Variants in POFUT3 observed in about 807,000 individuals in gnomAD.
POFUT3 encodes the protein protein O-fucosyltransferase 3, also known as GDP-fucose protein O-fucosyltransferase 3.
At chr8:33,463,479 T>C in the POFUT3 span, among the ~76,000 whole-genome samples, 8 of 150,842 alleles carry the variant, frequency 5.3e-5, no homozygotes, top group African/African-American at 2.0e-4. Context: ...CACTCCAGCC[T>C]GGGCGACAAA....
chr8:33,402,409 T>C, the POFUT3 span, among the ~76,000 whole-genome samples: 1 of 152,212 alleles, frequency 6.6e-6, no homozygotes, highest in Non-Finnish European at 1.5e-5. Context: ...AAATAAACTC[T>C]TTATTCTCAA....
At chr8:33,457,454 C>G in the POFUT3 span, among the ~76,000 whole-genome samples, 1 of 152,040 alleles carries the variant, frequency 6.6e-6, no homozygotes, top group Non-Finnish European at 1.5e-5. Context: ...CAAGAACATG[C>G]CACTGCACTC....
the POFUT3 span, among the ~76,000 whole-genome samples, chr8:33,346,040 G>C: frequency 1.3e-5 from 2 of 151,532 alleles, no homozygotes; most frequent in Non-Finnish European, 2.9e-5. Context: ...GGTCAGGCTG[G>C]TCTTGAACGC....
the POFUT3 span, among the ~76,000 whole-genome samples, chr8:33,355,830 C>T: frequency 3.2e-4 from 48 of 152,190 alleles, no homozygotes; most frequent in Middle Eastern, 3.4e-3. Flanking sequence ...CCTCCCCCAA[C>T]GCCACAACAG....
chr8:33,424,871 A>G, the POFUT3 span, among the ~76,000 whole-genome samples: 1 of 152,342 alleles, frequency 6.6e-6, no homozygotes, highest in East Asian at 1.9e-4. Flanking sequence ...AGGAACGCAC[A>G]GCACTTACTG....
chr8:33,353,456 T>C, the POFUT3 span, among the ~76,000 whole-genome samples: 1 of 152,208 alleles, frequency 6.6e-6, no homozygotes, highest in Non-Finnish European at 1.5e-5. Flanking sequence ...CTGAGATCAC[T>C]GCAGAAACCC....
At chr8:33,362,347 A>G in the POFUT3 span, among the ~76,000 whole-genome samples, 6 of 152,358 alleles carry the variant, frequency 3.9e-5, no homozygotes, top group African/African-American at 1.4e-4. Context: ...AATGCTATGA[A>G]GAAACTGTAT....
the POFUT3 span, among the ~76,000 whole-genome samples, chr8:33,420,485 T>C: frequency 0.5 from 75,900 of 151,620 alleles, 19,414 homozygotes; most frequent in Non-Finnish European, 0.56. Flanking sequence ...TAAATGGGCA[T>C]TCTTTATATC....
At chr8:33,426,619 G>T in the POFUT3 span, among the ~76,000 whole-genome samples, 1 of 152,106 alleles carries the variant, frequency 6.6e-6, no homozygotes, top group Non-Finnish European at 1.5e-5. Context: ...GATTCAATCC[G>T]ATCTAAGGCA....
chr8:33,395,976 A>G, the POFUT3 span, among the ~76,000 whole-genome samples: 6,576 of 152,242 alleles, frequency 0.043, 462 homozygotes, highest in African/African-American at 0.15. Flanking sequence ...GAGAGAAGGA[A>G]ACTCTTCCAA....
the POFUT3 span, among the ~76,000 whole-genome samples, chr8:33,343,221 C>T: frequency 3.3e-5 from 5 of 152,248 alleles, no homozygotes; most frequent in South Asian, 8.3e-4. Context: ...TGTGTACAGA[C>T]AGACACAGGA....
chr8:33,328,512 C>G, the POFUT3 span, among the ~76,000 whole-genome samples: 1 of 152,166 alleles, frequency 6.6e-6, no homozygotes, highest in East Asian at 1.9e-4. Flanking sequence ...CCACGGGGCA[C>G]TCTGGACAGT....
the POFUT3 span, among the ~76,000 whole-genome samples, chr8:33,395,766 C>T: frequency 6.6e-6 from 1 of 152,112 alleles, no homozygotes; most frequent in African/African-American, 2.4e-5. Context: ...CAGGCAACCC[C>T]TAGACACTGC....
At chr8:33,452,127 AT>A in the POFUT3 span, 2 of 152,050 alleles carry the variant, frequency 1.3e-5, no homozygotes, top group Non-Finnish European at 2.9e-5. Context: ...ATATATGTGT[AT>A]GTGTAGGCAT....
chr8:33,316,567 A>G, the POFUT3 span, among the ~76,000 whole-genome samples: 3 of 83,080 alleles, frequency 3.6e-5, no homozygotes, highest in African/African-American at 1.5e-4. Context: ...CTAAAACTAC[A>G]AAAAAAAAGA....
At chr8:33,309,168 ATATATATATAT>A in the POFUT3 span, among the ~76,000 whole-genome samples, 4 of 40,670 alleles carry the variant, frequency 9.8e-5, no homozygotes, top group Admixed American at 3.6e-4. Context: ...AAAAAAAAAA[ATATATATATAT>A]ATATATATAT....
chr8:33,437,428 C>G, the POFUT3 span, among the ~76,000 whole-genome samples: 1 of 151,432 alleles, frequency 6.6e-6, no homozygotes, highest in Admixed American at 6.6e-5. Context: ...TTTCAAGACA[C>G]TTTTATTGGA....
chr8:33,450,183 C>T, the POFUT3 span, among the ~76,000 whole-genome samples: 1 of 152,060 alleles, frequency 6.6e-6, no homozygotes, highest in Non-Finnish European at 1.5e-5. Context: ...TCAGGTGATC[C>T]ACTTGCCTTG....
At chr8:33,363,897 G>A in the POFUT3 span, among the ~76,000 whole-genome samples, 1 of 152,076 alleles carries the variant, frequency 6.6e-6, no homozygotes, top group East Asian at 1.9e-4. Context: ...AGAAAAAGAG[G>A]GAATCCTCCC....
Sources: allele counts gnomAD v4.1 joint callset (sites outside exome capture counted in the v4.1 genomes callset), GRCh38; gene constraint gnomAD v4.1.1; transcripts MANE v1.5; gene names NCBI Gene and HGNC (gene_info 2026-07-23, HGNC 2026-07-21).